The following UGT1A5 variants were observed in gnomAD, a reference collection of about 807,000 sequenced individuals.
The protein encoded by UGT1A5 is UDP glucuronosyltransferase family 1 member A5.
UGT1A5 carries 29 observed loss-of-function variants against 40.3 expected under a neutral mutation model. That is an observed-to-expected ratio of 0.72 (90% CI 0.54 to 0.98). The LOEUF is 0.98. UGT1A5 is among the 50% of genes least tolerant of loss of function. The probability of loss-of-function intolerance (pLI) is 0.00; values close to 1 mark genes in which losing one functional copy is unlikely to be tolerated. For missense variants in UGT1A5, 678 were observed against 677.9 expected (o/e 1.00, Z 0.00); for synonymous variants, 257 against 262.5 (o/e 0.98, Z 0.20).
intron 4 of UGT1A5, chr2:233,771,329 T>A (rs751904173): frequency 3.9e-5 from 6 of 152,320 alleles, no homozygotes; most frequent in Middle Eastern, 6.8e-3. Flanking sequence ...TTCAATCTCC[T>A]CTTCATTCCT....
chr2:233,724,146 G>A (rs2077176632), intron 1 of UGT1A5, among the ~76,000 whole-genome samples: 1 of 124,370 alleles, frequency 8.0e-6, no homozygotes, highest in Non-Finnish European at 1.7e-5. Flanking sequence ...CGGGGCGGCT[G>A]GCCGGGTGGG....
intron 1 of UGT1A5, chr2:233,755,784 A>C (rs1162411110): frequency 6.6e-6 from 1 of 152,660 alleles, no homozygotes; most frequent in Non-Finnish European, 1.5e-5. Context: ...TATGCCTATC[A>C]TATGTACTGC....
chr2:233,736,950 T>C (rs2078828860), intron 1 of UGT1A5, among the ~76,000 whole-genome samples: 1 of 152,182 alleles, frequency 6.6e-6, no homozygotes, highest in Non-Finnish European at 1.5e-5. Context: ...AGGTGTCTGT[T>C]GGCCCCTACT....
At position 233,767,164 on chromosome 2, in the gene UGT1A5, C is replaced by G. The variant is rs1699322267; in HGVS notation, c.998C>G (p.Thr333Arg). ...GATGCTTTGGGCAAAATCCCTCAGA[C>G]AGTAAGAAGATTCTATACCATGGCC... is the stretch of plus-strand genomic sequence containing the variant. Reference protein sequence around the residue: ...IADALGKIPQTVLWRYTGTRP... With the variant: ...IADALGKIPQRVLWRYTGTRP... The change falls in exon 2 of 5, where the codon ACA (threonine) becomes AGA (arginine). Residue 333 changes from threonine (T) to arginine (R), a missense_variant and splice_region_variant. Transcript: ENST00000373414. The G allele has an allele frequency of 6.2e-7, 1 of 1,614,090 alleles. No homozygotes were observed.
intron 1 of UGT1A5, among the ~76,000 whole-genome samples, chr2:233,724,591 T>C (rs2077285744): frequency 8.2e-6 from 1 of 122,228 alleles, no homozygotes; most frequent in Non-Finnish European, 1.7e-5. Context: ...TCCCCACATC[T>C]CAGACGATGG....
chr2:233,767,208 G>A (rs1699334912), intron 2 of UGT1A5, 43 bp downstream of exon 2: 1 of 1,612,972 alleles, frequency 6.2e-7, no homozygotes, highest in Non-Finnish European at 8.5e-7. Context: ...ATTTTCACAG[G>A]AGCGCTAATC....
Position 233,713,569 on chromosome 2 carries a change from A to G in UGT1A5, c.578A>G (p.Tyr193Cys). 3 of 1,613,912 alleles carry G rather than the reference A, an allele frequency of 1.9e-6. No individual in the cohort carries two copies. Among genetic ancestry groups the G allele is most frequent in the Non-Finnish European group, 2.5e-6 (3 of 1,179,854 alleles). ...ACACAGTGTCCAAACCCTTCCTCCT[A>G]TATTCCTAGATTACTAACGACCAAT... ...KGTQCPNPSSYIPRLLTTNSD... is the reference protein window; with the variant it reads ...KGTQCPNPSSCIPRLLTTNSD... The change falls in exon 1 of 5, where the codon TAT (tyrosine) becomes TGT (cysteine). Residue 193 changes from tyrosine to cysteine, a missense_variant. Coordinates refer to ENST00000373414, the MANE Select transcript of UGT1A5 (RefSeq NM_019078.2).
intron 1 of UGT1A5, chr2:233,743,752 C>T (rs1459474773): frequency 7.3e-7 from 1 of 1,367,268 alleles, no homozygotes. Flanking sequence ...CGTCCGACAA[C>T]ACCTCGTAGG....
chr2:233,738,299 G>A (rs1452652479), intron 1 of UGT1A5, among the ~76,000 whole-genome samples: 1 of 152,208 alleles, frequency 6.6e-6, no homozygotes, highest in Non-Finnish European at 1.5e-5. Flanking sequence ...TCTTGGGTAT[G>A]TCTTTATAGC....
At chr2:233,755,334 C>A (rs1041656249) in intron 1 of UGT1A5, 2 of 456,396 alleles carry the variant, frequency 4.4e-6, no homozygotes, top group Non-Finnish European at 7.5e-6. Flanking sequence ...AGCACCCGCG[C>A]ACAGGTCAGA....
rs369685158 is a variant in UGT1A5, at chr2:233,713,685, GC to G, written c.695del (p.Ala232GlufsTer31). On this transcript the variant is annotated frameshift_variant, in exon 1 of 5. Transcript: ENST00000373414. LOFTEE classifies it high-confidence loss of function. ...YLCHAVSAPY[A>X]SLASELFQRE... ...TTGCCATGCTGTTTCTGCTCCTTAT[GC>G]AAGCCTTGCCTCTGAGCTTTTTCAG... is the stretch of plus-strand genomic sequence containing the variant. The G allele has an allele frequency of 8.8e-4, 1,413 of 1,613,920 alleles. 18 individuals are homozygous for G. The South Asian group carries it at 0.011, about 13-fold the overall frequency.
chr2:233,750,078 A>G (rs1420625358), intron 1 of UGT1A5, among the ~76,000 whole-genome samples: 1 of 151,926 alleles, frequency 6.6e-6, no homozygotes, highest in African/African-American at 2.4e-5. Flanking sequence ...TAACAGGCAG[A>G]GGTTGGAACA....
chr2:233,759,533 T>A (rs1026147769), intron 1 of UGT1A5, among the ~76,000 whole-genome samples: 11 of 151,998 alleles, frequency 7.2e-5, no homozygotes, highest in African/African-American at 2.7e-4. Context: ...AAGACTTCTG[T>A]TCACATGCGC....
intron 1 of UGT1A5, chr2:233,729,623 C>A (rs142986334): frequency 6.2e-7 from 1 of 1,613,912 alleles, no homozygotes; most frequent in Non-Finnish European, 8.5e-7. Context: ...AAGTACCTGT[C>A]GATTCCTACT....
chr2:233,770,091 G>A (rs1182025509), intron 4 of UGT1A5: 1 of 152,674 alleles, frequency 6.5e-6, no homozygotes, highest in East Asian at 1.9e-4. Context: ...CAGTGGTATA[G>A]ATAACTACTT....
chr2:233,728,193 T>C (rs906466862), intron 1 of UGT1A5, among the ~76,000 whole-genome samples: 7 of 152,224 alleles, frequency 4.6e-5, no homozygotes, highest in African/African-American at 1.7e-4. Context: ...AACTTGGTGC[T>C]GGATTGACTT....
chr2:233,719,446 A>G (rs765990866), intron 1 of UGT1A5: 48 of 1,613,862 alleles, frequency 3.0e-5, no homozygotes, highest in Non-Finnish European at 2.5e-5. Context: ...ACATTCCTGC[A>G]AAGGGTCAAG....
At chr2:233,745,781 CAG>C (rs757535018) in intron 1 of UGT1A5, among the ~76,000 whole-genome samples, 4 of 150,162 alleles carry the variant, frequency 2.7e-5, no homozygotes, top group Non-Finnish European at 5.9e-5. Flanking sequence ...TGAGCTTAGA[CAG>C]GGGGGCTGGG....
chr2:233,736,300 A>G (rs1483271188), intron 1 of UGT1A5, among the ~76,000 whole-genome samples: 4 of 152,002 alleles, frequency 2.6e-5, no homozygotes, highest in Non-Finnish European at 1.5e-5. Flanking sequence ...AGTTGCTCTA[A>G]TCAGCTATTG....
Sources: allele counts gnomAD v4.1 joint callset (sites outside exome capture counted in the v4.1 genomes callset), GRCh38; gene constraint gnomAD v4.1.1; transcripts MANE v1.5; gene names NCBI Gene and HGNC (gene_info 2026-07-23, HGNC 2026-07-21).